Variants in RP1 observed in about 807,000 individuals in gnomAD.
The protein encoded by RP1 is RP1 axonemal microtubule associated, also known as oxygen-regulated protein 1.
In RP1, 16 loss-of-function variants were observed where a neutral mutation model predicts 14.8. That is an observed-to-expected ratio of 1.08 (90% confidence interval 0.73 to 1.65). The LOEUF (loss-of-function observed/expected upper bound fraction) is 1.65, where lower values mean the gene tolerates loss of function less well. Ranked by LOEUF, RP1 falls within the 40% of genes most tolerant of loss-of-function variation. The pLI, the probability that RP1 is intolerant of heterozygous loss-of-function variation, is 0.00. For missense variants in RP1, 2,631 were observed against 2,535.0 expected (o/e 1.04, Z -0.81); for synonymous variants, 876 against 883.6 (o/e 0.99, Z 0.15).
At chr8:54,571,070 T>A (rs897503376) in intron 1 of RP1, among the ~76,000 whole-genome samples, 7 of 152,174 alleles carry the variant, frequency 4.6e-5, no homozygotes, top group African/African-American at 1.7e-4. Flanking sequence ...ATTCTCCCCC[T>A]TCTGCCTGTC....
chr8:54,765,867 T>G (rs377003462), intron 22 of RP1, among the ~76,000 whole-genome samples: 319 of 152,310 alleles, frequency 2.1e-3, no homozygotes, highest in Admixed American at 5.9e-3. Flanking sequence ...TGCCATTGTT[T>G]GTGAACGTAT....
intron 6 of RP1, among the ~76,000 whole-genome samples, chr8:54,659,572 T>C (rs964584679): frequency 2.0e-5 from 3 of 152,222 alleles, no homozygotes; most frequent in Non-Finnish European, 4.4e-5. Flanking sequence ...TTCTCTATTC[T>C]ATTCTATTAG....
intron 24 of RP1, among the ~76,000 whole-genome samples, chr8:54,814,959 A>ACT (rs1811104177): frequency 6.6e-6 from 1 of 152,260 alleles, no homozygotes; most frequent in Non-Finnish European, 1.5e-5. Context: ...CAGTGAGCCG[A>ACT]GATTGCACCA....
intron 1 of RP1, among the ~76,000 whole-genome samples, chr8:54,608,397 A>G (rs984126030): frequency 6.6e-6 from 1 of 152,124 alleles, no homozygotes; most frequent in Non-Finnish European, 1.5e-5. Context: ...AATGTAAGGG[A>G]GCATATAGAA....
intron 24 of RP1, among the ~76,000 whole-genome samples, chr8:54,812,859 G>T (rs1439433272): frequency 1.3e-5 from 2 of 152,082 alleles, no homozygotes; most frequent in African/African-American, 4.8e-5. Flanking sequence ...AAGGAAGCAG[G>T]AATGATATTC....
At chr8:54,789,009 G>A (rs1810395962) in intron 24 of RP1, among the ~76,000 whole-genome samples, 1 of 152,168 alleles carries the variant, frequency 6.6e-6, no homozygotes, top group East Asian at 1.9e-4. Flanking sequence ...AGTCCTAGAT[G>A]GACATCCAGC....
At chr8:54,717,907 C>T (rs2129349463) in intron 15 of RP1, among the ~76,000 whole-genome samples, 1 of 152,066 alleles carries the variant, frequency 6.6e-6, no homozygotes, top group East Asian at 1.9e-4. Flanking sequence ...ATGTACGAGG[C>T]TAATATACAA....
Position 54,646,540 on chromosome 8 carries a change from G to C in RP1, c.788-2445G>C, listed in dbSNP as rs1231713374. Among the ~76,000 whole-genome samples the C allele has an allele frequency of 3.9e-5, 6 of 152,048 alleles. 1 individual carries two copies. The highest frequency in any genetic ancestry group is 8.8e-5 in the Non-Finnish European group (6 of 68,014). On this transcript the variant is annotated intron_variant, in intron 3 of 22. Coordinates refer to the RP1 transcript ENST00000636932. ...CTAGTAATGACCCAATGACTTGTTG[G>C]CTTTCTGTCGATTGAAATGTAAGTT...
chr8:54,658,350 G>T (rs1806801714), intron 6 of RP1, among the ~76,000 whole-genome samples: 1 of 149,616 alleles, frequency 6.7e-6, no homozygotes, highest in Admixed American at 6.6e-5. Flanking sequence ...AGGAGATCGA[G>T]ACCATCCCGG....
intron 1 of RP1, among the ~76,000 whole-genome samples, chr8:54,604,072 A>G (rs1166000719): frequency 6.6e-6 from 1 of 152,132 alleles, no homozygotes; most frequent in Non-Finnish European, 1.5e-5. Context: ...TTCCAACACT[A>G]TGTTGAATAG....
At chr8:54,812,907 T>C (rs776807654) in intron 24 of RP1, among the ~76,000 whole-genome samples, 4 of 152,252 alleles carry the variant, frequency 2.6e-5, no homozygotes, top group Non-Finnish European at 4.4e-5. Context: ...CTCGCTGCTA[T>C]AGTTATTTCA....
intron 15 of RP1, among the ~76,000 whole-genome samples, chr8:54,711,080 T>C (rs1439486028): frequency 6.6e-6 from 1 of 152,196 alleles, no homozygotes; most frequent in African/African-American, 2.4e-5. Context: ...GCTCTACCAA[T>C]GTGTATCAGT....
chr8:54,848,315 C>G (rs1811977903), intron 25 of RP1, among the ~76,000 whole-genome samples: 1 of 152,200 alleles, frequency 6.6e-6, no homozygotes. Flanking sequence ...TAAGGAGTGC[C>G]TCCTCCTATC....
intron 19 of RP1, among the ~76,000 whole-genome samples, chr8:54,741,379 T>C (rs1334748037): frequency 6.6e-6 from 1 of 152,082 alleles, no homozygotes; most frequent in Admixed American, 6.5e-5. Context: ...TAATCTTTCA[T>C]GCTCTATTTT....
rs537269694 is a variant in RP1 at position 54,765,794 on chromosome 8, C to T, written c.3249-3947C>T. 3.3e-5 allele frequency among the ~76,000 whole-genome samples: 5 copies of T among 152,310 alleles called. No individual in the cohort carries two copies. The South Asian group carries it at 8.3e-4, about 25-fold the overall frequency. On this transcript the variant is annotated intron_variant, in intron 22 of 22. Transcript: ENST00000636932. The stretch of plus-strand genomic sequence containing the variant: ...CCAGACAGAAGTGTGTTCATCCTTA[C>T]CCTCTTTAAATTCCTCCAGCACTTG...
intron 27 of RP1, among the ~76,000 whole-genome samples, chr8:54,865,152 TCTGGTTAATAGAAATACA>T (rs577139566): frequency 5.9e-4 from 90 of 152,198 alleles, no homozygotes; most frequent in African/African-American, 2.1e-3. Flanking sequence ...ACCTTTTCTC[TCTGGTTAATAGAAATACA>T]CTGGATTTTT....
chr8:54,846,162 AT>A (rs528270618), intron 25 of RP1, among the ~76,000 whole-genome samples: 92 of 152,364 alleles, frequency 6.0e-4, no homozygotes, highest in African/African-American at 2.2e-3. Context: ...TGGAATCCAG[AT>A]TAAAGACAGA....
chr8:54,698,175 G>T (rs1003990807), intron 12 of RP1, among the ~76,000 whole-genome samples: 1 of 151,974 alleles, frequency 6.6e-6, no homozygotes, highest in African/African-American at 2.4e-5. Context: ...AATCTACAAA[G>T]AACTTAAACA....
At chr8:54,571,851 T>G (rs537181575) in intron 1 of RP1, among the ~76,000 whole-genome samples, 72 of 152,246 alleles carry the variant, frequency 4.7e-4, no homozygotes, top group African/African-American at 1.6e-3. Context: ...GCACTCTCTC[T>G]GAAGGTGTCT....
Sources: gnomAD v4.1 joint callset for allele counts (sites outside exome capture counted in the v4.1 genomes callset) on GRCh38, gnomAD v4.1.1 for gene constraint, MANE v1.5 for transcripts, NCBI Gene and HGNC (gene_info 2026-07-23, HGNC 2026-07-21) for gene names.